Variants in TPM4 observed in about 807,000 individuals in gnomAD.
The protein encoded by TPM4 is tropomyosin 4.
A neutral mutation model predicts 35.8 loss-of-function variants in TPM4; 17 were observed. The ratio of observed to expected loss-of-function variants is 0.47; its 90% CI spans 0.32 to 0.71. TPM4 has a LOEUF of 0.71. Among genes scored for constraint, TPM4 ranks in the 30% least tolerant of loss-of-function variants. TPM4 has a pLI of 0.03. For missense variants in TPM4, 240 were observed against 320.9 expected, an observed-to-expected ratio of 0.75 and a Z score of 1.93; for synonymous variants, 120 against 122.9, an observed-to-expected ratio of 0.98 and a Z score of 0.15.
chr19:16,073,960 A>AAC (rs1568298129), upstream of TPM4, among the ~76,000 whole-genome samples: 2 of 105,936 alleles, frequency 1.9e-5, no homozygotes, highest in African/African-American at 7.3e-5. Context: ...AAAAAAAAAA[A>AAC]CGCAAAAAAA....
chr19:16,071,007 C>T (rs942639354), intron 2 of TPM4, among the ~76,000 whole-genome samples: 1 of 152,194 alleles, frequency 6.6e-6, no homozygotes, highest in Non-Finnish European at 1.5e-5. Context: ...TCTCCCAGGA[C>T]AGCCACAAGT....
intron 7 of TPM4, among the ~76,000 whole-genome samples, chr19:16,096,272 C>T (rs943435248): frequency 1.3e-5 from 2 of 152,116 alleles, no homozygotes; most frequent in Non-Finnish European, 2.9e-5. Flanking sequence ...CACTATGTTG[C>T]CCAGGCTGGT....
chr19:16,089,935 T>A (rs2090605470), intron 5 of TPM4, among the ~76,000 whole-genome samples: 1 of 152,014 alleles, frequency 6.6e-6, no homozygotes, highest in Admixed American at 6.6e-5. Flanking sequence ...CTCAGCTTAC[T>A]GCAGCCTTCG....
intron 2 of TPM4, among the ~76,000 whole-genome samples, chr19:16,069,683 G>A (rs959662456): frequency 6.8e-6 from 1 of 146,028 alleles, no homozygotes; most frequent in East Asian, 2.0e-4. Context: ...TTTCTGTTGG[G>A]GTGTGTGTGT....
chr19:16,095,686 A>G, intron 7 of TPM4: 1 of 721,990 alleles, frequency 1.4e-6, no homozygotes, highest in Non-Finnish European at 1.7e-6. Flanking sequence ...TGAAAACAAA[A>G]GCAAACTGGG....
intron 1 of TPM4, chr19:16,077,012 G>C (rs2090417450): frequency 3.2e-6 from 1 of 316,028 alleles, no homozygotes; most frequent in Non-Finnish European, 5.2e-6. Flanking sequence ...CGGCGGGAGG[G>C]GGCGTATCGT....
intron 1 of TPM4, chr19:16,080,089 TC>T (rs2090464577): frequency 5.2e-6 from 1 of 193,224 alleles, no homozygotes; most frequent in Non-Finnish European, 1.1e-5. Flanking sequence ...CCTTTTCCTC[TC>T]GGTTGAGGCC....
At position 16,076,659 on chromosome 19, in the gene TPM4, C is replaced by A; in HGVS notation, c.94C>A (p.Gln32Lys). 7.0e-7 allele frequency: 1 copy of A among 1,426,070 alleles called. No homozygotes were observed. 88.3% of individuals were successfully genotyped at this position (1,426,070 alleles called of 1,614,324 possible). ...GGCGGAAGACCGCGCGCAGGGCCTG[C>A]AGCGGGAGCTGGACGGCGAGCGCGA... ...DEAEDRAQGLQRELDGERERR... is the reference protein window; with the variant it reads ...DEAEDRAQGLKRELDGERERR... Residue 32 changes from glutamine (Q) to lysine (K), a missense_variant, in exon 1 of 8, where the codon CAG becomes AAG. Transcript: ENST00000643579.
At chr19:16,079,770 G>C (rs2090459264) in intron 1 of TPM4, 1 of 179,520 alleles carries the variant, frequency 5.6e-6, no homozygotes, top group Non-Finnish European at 1.2e-5. Flanking sequence ...CGCGATCTCG[G>C]CTCATTGCAA....
intron 2 of TPM4, among the ~76,000 whole-genome samples, chr19:16,082,406 G>A: frequency 6.6e-6 from 1 of 152,224 alleles, no homozygotes; most frequent in Non-Finnish European, 1.5e-5. Context: ...AGCTACTCAG[G>A]AGGCTGAGGC....
At chr19:16,089,225 T>A in intron 5 of TPM4, 105 bp downstream of exon 5, 1 of 1,465,068 alleles carries the variant, frequency 6.8e-7, no homozygotes, top group Middle Eastern at 2.5e-4. Context: ...GCCCTTTATT[T>A]AACAGTAGCG....
intron 3 of TPM4, among the ~76,000 whole-genome samples, chr19:16,086,862 C>T (rs1347599967): frequency 1.3e-5 from 2 of 152,110 alleles, no homozygotes; most frequent in Non-Finnish European, 2.9e-5. Flanking sequence ...CATGCAAGCT[C>T]AGGCCCTCCT....
In TPM4 at chr19:16,102,680, G is replaced by T. The variant is rs542804768; in HGVS notation, c.*1334G>T. On this transcript the variant is annotated 3_prime_UTR_variant, in exon 8 of 8. Coordinates refer to ENST00000643579, the MANE Select transcript of TPM4 (RefSeq NM_003290.3). ...GATAATGAAGGATTCTGTAGACAGG[G>T]CTGCACGTATCGGCTTTGTTTGACT... 4.4e-6 allele frequency: 1 copy of T among 229,486 alleles called. No homozygotes were observed. The highest frequency in any genetic ancestry group is 1.8e-4 in the South Asian group (1 of 5,480). 14.2% of individuals were successfully genotyped at this position (229,486 alleles called of 1,614,324 possible).
At chr19:16,069,473 GGATGAGTGTGTGTTTCTGAT>G (rs1254545339) in intron 2 of TPM4, among the ~76,000 whole-genome samples, 9 of 2,828 alleles carry the variant, frequency 3.2e-3, no homozygotes, top group South Asian at 0.012. Context: ...GAATGTGTAT[GGATGAGTGTGTGTTTCTGAT>G]GGGGTGTGTG....
intron 2 of TPM4, among the ~76,000 whole-genome samples, chr19:16,069,799 AGT>A (rs1293033937): frequency 4.0e-5 from 6 of 151,092 alleles, no homozygotes; most frequent in Non-Finnish European, 4.4e-5. Flanking sequence ...TGTGTGAATG[AGT>A]GTGTGTTTCT....
chr19:16,096,973 A>G (rs1484210431), intron 7 of TPM4, among the ~76,000 whole-genome samples: 4 of 44,772 alleles, frequency 8.9e-5, no homozygotes, highest in Non-Finnish European at 9.5e-5. Flanking sequence ...TTTTTTTTCA[A>G]GACAGGGTCT....
chr19:16,068,484 GTGTT>G (rs1328205054), intron 2 of TPM4, among the ~76,000 whole-genome samples: 3 of 152,090 alleles, frequency 2.0e-5, no homozygotes, highest in African/African-American at 7.2e-5. Context: ...CCATTTGTGT[GTGTT>G]TGAGCAATTC....
chr19:16,087,975 G>A, intron 3 of TPM4, 52 bp from the exon 4 acceptor site: 1 of 1,574,196 alleles, frequency 6.4e-7, no homozygotes, highest in Non-Finnish European at 8.6e-7. Context: ...GTGGATGGGA[G>A]AGGACACGGC....
chr19:16,085,807 A>G (rs930132185), intron 2 of TPM4, among the ~76,000 whole-genome samples: 4 of 152,188 alleles, frequency 2.6e-5, no homozygotes, highest in African/African-American at 7.2e-5. Flanking sequence ...GGTGGCTCAC[A>G]CCTGTAATCC....
Sources: allele counts gnomAD v4.1 joint callset (sites outside exome capture counted in the v4.1 genomes callset), GRCh38; gene constraint gnomAD v4.1.1; transcripts MANE v1.5; gene names NCBI Gene and HGNC (gene_info 2026-07-23, HGNC 2026-07-21).